Variants in ATP13A1 observed in about 807,000 individuals in gnomAD.
ATP13A1 encodes the protein endoplasmic reticulum transmembrane helix translocase.
In ATP13A1, 55 loss-of-function variants were observed where a neutral mutation model predicts 134.8. That is an observed-to-expected ratio of 0.41 (90% confidence interval 0.33 to 0.51). The LOEUF (loss-of-function observed/expected upper bound fraction) is 0.51, where lower values mean the gene tolerates loss of function less well. Ranked by LOEUF, ATP13A1 falls within the 20% of genes least tolerant of loss-of-function variation. The pLI is 0.29. For missense variants in ATP13A1, 1,389 were observed against 1,652.8 expected (o/e 0.84, Z 2.77); for synonymous variants, 775 against 725.1 (o/e 1.07, Z -1.10).
rs570397293 is a variant in ATP13A1 at position 19,646,281 on chromosome 19, C to T, written c.3172G>A (p.Val1058Ile). 8.1e-6 allele frequency: 13 copies of T among 1,613,926 alleles called. No homozygotes were observed. The highest frequency in any genetic ancestry group is 2.2e-5 in the East Asian group (1 of 44,876). ...NIFNLYTILT[V>I]MLQFFVHFLS... ...AAGTGCACAAAGAACTGGAGCATGA[C>T]GGTGAGGATGGTGTACAGGTTGAAG... The change falls in exon 23 of 26, where the codon GTC becomes ATC. Residue 1058 changes from valine (V) to isoleucine (I), a missense_variant. Physicochemically the swap from Val to Ile is conservative, Grantham distance 29. Transcript: ENST00000357324.
chr19:19,650,144 G>C (rs932142232), intron 17 of ATP13A1: 2 of 600,598 alleles, frequency 3.3e-6, no homozygotes, highest in African/African-American at 3.7e-5. Context: ...AGAGCCTGGG[G>C]CCTGAGCTAC....
chr19:19,657,163 G>T lies in ATP13A1; in HGVS notation c.751-14C>A. 6.7e-7 allele frequency: 1 copy of T among 1,500,462 alleles called. No individual in the cohort carries two copies. Among genetic ancestry groups the T allele is most frequent in the East Asian group, 2.4e-5 (1 of 42,442 alleles). The allele number at this position is 1,500,462 out of a possible 1,614,324, so 92.9% of individuals were successfully genotyped here. On this transcript the variant is annotated splice_polypyrimidine_tract_variant and intron_variant, in intron 4 of 25. Coordinates refer to ENST00000357324, the MANE Select transcript of ATP13A1 (RefSeq NM_020410.3). Reference sequence around the variant, plus strand: ...CACACAGAACACCTGTGGGATACCAGCCTGTCTGTCCTTGCCCTACCCGCC... The same window carrying T: ...CACACAGAACACCTGTGGGATACCATCCTGTCTGTCCTTGCCCTACCCGCC...
rs1199542926 is a variant in ATP13A1 at position 19,655,574 on chromosome 19, G to C, written c.1350C>G (p.Phe450Leu). The C allele has an allele frequency of 1.2e-6, 2 of 1,614,012 alleles. No individual in the cohort carries two copies. Among genetic ancestry groups the C allele is most frequent in the Non-Finnish European group, 8.5e-7 (1 of 1,179,886 alleles). ...NNLETFIFILFLLVFAIAAAA... is the reference protein window; with the variant it reads ...NNLETFIFILLLLVFAIAAAA... ...CTGCAGCGATGGCAAACACCAGGAGGAAGAGGATGAAGATGAAGGTCTCCA... is the reference window on the plus strand; with the variant it reads ...CTGCAGCGATGGCAAACACCAGGAGCAAGAGGATGAAGATGAAGGTCTCCA... The change falls in exon 10 of 26, where the codon TTC becomes TTG. Residue 450 changes from phenylalanine to leucine, a missense_variant. By Grantham distance (22) the Phe-to-Leu change is conservative. Transcript: ENST00000357324. The surrounding 1 kb of genome is among the most constrained non-coding windows in gnomAD (Gnocchi z 5.7).
At chr19:19,654,457 G>A in intron 13 of ATP13A1, 86 bp downstream of exon 13, 2 of 1,458,316 alleles carry the variant, frequency 1.4e-6, no homozygotes, top group South Asian at 2.7e-5. Context: ...CTGTCCCCAA[G>A]ATGCTCTGAG....
At chr19:19,660,389 G>A in intron 1 of ATP13A1, 1 of 195,402 alleles carries the variant, frequency 5.1e-6, no homozygotes, top group South Asian at 7.8e-5. Flanking sequence ...GGCTGAGGCA[G>A]GAGAATCCCT....
intron 23 of ATP13A1, 98 bp from the exon 24 acceptor site, chr19:19,646,083 T>C: frequency 6.3e-6 from 10 of 1,588,490 alleles, no homozygotes; most frequent in Non-Finnish European, 8.6e-6. Context: ...GGGCTCTGCC[T>C]GGCCTAGTGC....
chr19:19,660,049 C>A, intron 1 of ATP13A1, 62 bp from the exon 2 acceptor site: 4 of 1,479,220 alleles, frequency 2.7e-6, no homozygotes, highest in Non-Finnish European at 3.6e-6. Context: ...CCAAGACCCC[C>A]CCGGGAGGTT....
rs1174047286 is a variant in ATP13A1, at chr19:19,657,379, T to C, written c.707A>G (p.Glu236Gly). Residue 236 changes from glutamate to glycine, a missense_variant, in exon 4 of 26, where the codon GAG (glutamate) becomes GGG (glycine). This residue lies in a region of ATP13A1 where 747 missense variants were observed against 956.1 expected (regional missense o/e 0.78). Coordinates refer to ENST00000357324, the MANE Select transcript of ATP13A1 (RefSeq NM_020410.3). ...KAEMVVPDFSELFKERATAPF... is the reference protein window; with the variant it reads ...KAEMVVPDFSGLFKERATAPF... ...GGCTGTGGCTCTCTCCTTGAAAAGCTCCGAGAAGTCAGGCACCACCATCTC... is the reference window on the plus strand; with the variant it reads ...GGCTGTGGCTCTCTCCTTGAAAAGCCCCGAGAAGTCAGGCACCACCATCTC... The C allele has an allele frequency of 4.4e-6, 7 of 1,573,656 alleles. No individual in the cohort carries two copies. The highest frequency in any genetic ancestry group is 5.2e-6 in the Non-Finnish European group (6 of 1,159,156).
rs536177323 is a variant in ATP13A1 at position 19,663,650 on chromosome 19, G to A, written c.17C>T (p.Ala6Val). The A allele has an allele frequency of 9.3e-5, 120 of 1,287,822 alleles. No homozygotes were observed. The African/African-American group carries it at 1.7e-3, about 18-fold the overall frequency. The allele number at this position is 1,287,822 out of a possible 1,614,324, so 79.8% of individuals were successfully genotyped here. Reference sequence around the variant, plus strand: ...CCCGCAGGGCACCGCGTTGCCCACCGCCGCCGCTGCCGCCATCTTTCCTAG... The same window carrying A: ...CCCGCAGGGCACCGCGTTGCCCACCACCGCCGCTGCCGCCATCTTTCCTAG... MAAAA[A>V]VGNAVPCGAR... Residue 6 changes from alanine to valine, a missense_variant, in exon 1 of 26, where the codon GCG (alanine) becomes GTG (valine). Physicochemically the swap from Ala to Val is moderately conservative, Grantham distance 64. This residue lies in a region of ATP13A1 where 293 missense variants were observed against 270.8 expected (regional missense o/e 1.08). Transcript: ENST00000357324.
intron 16 of ATP13A1, 88 bp downstream of exon 16, chr19:19,652,507 G>A: frequency 6.7e-7 from 1 of 1,482,908 alleles, no homozygotes; most frequent in Non-Finnish European, 9.0e-7. Context: ...TGTGAGACTT[G>A]GGTGCCCACC....
At chr19:19,654,740 G>T in intron 12 of ATP13A1, 40 bp from the exon 13 acceptor site, 2 of 1,577,344 alleles carry the variant, frequency 1.3e-6, no homozygotes, top group Non-Finnish European at 1.7e-6. Flanking sequence ...AGTGCAGGCG[G>T]GTAGGGCGAA....
chr19:19,661,062 G>C (rs1320691703), intron 1 of ATP13A1, among the ~76,000 whole-genome samples: 2 of 151,712 alleles, frequency 1.3e-5, no homozygotes, highest in African/African-American at 4.8e-5. Context: ...CTGGGCAACA[G>C]AGCCAGACTC....
At position 19,655,574 on chromosome 19, in the gene ATP13A1, G is replaced by A. The variant is rs1199542926; in HGVS notation, c.1350C>T (p.Phe450=). 2.9e-5 allele frequency: 46 copies of A among 1,614,012 alleles called. No homozygotes were observed. Among genetic ancestry groups the A allele is most frequent in the Non-Finnish European group, 3.8e-5 (45 of 1,179,886 alleles). ...CTGCAGCGATGGCAAACACCAGGAG[G>A]AAGAGGATGAAGATGAAGGTCTCCA... ...NNLETFIFIL[F]LLVFAIAAAA... Residue 450 remains phenylalanine (F), a synonymous_variant, in exon 10 of 26, where the codon TTC becomes TTT. Coordinates refer to ENST00000357324, the MANE Select transcript of ATP13A1 (RefSeq NM_020410.3). This position sits in a 1 kb window ranked among gnomAD's most constrained non-coding sequence, Gnocchi z 5.7.
rs762373139 is a variant in ATP13A1, at chr19:19,646,250, C to T, written c.3203G>A (p.Ser1068Asn). ...GGCCTCACGGTACAGGTAGACAAGG[C>T]TCAGGAAGTGCACAAAGAACTGGAG... Reference protein sequence around the residue: ...VMLQFFVHFLSLVYLYREAQA... With the variant: ...VMLQFFVHFLNLVYLYREAQA... The change falls in exon 23 of 26, where the codon AGC (serine) becomes AAC (asparagine). Residue 1068 changes from serine (S) to asparagine (N), a missense_variant. Physicochemically the swap from Ser to Asn is conservative, Grantham distance 46. Around this residue, in one of 4 missense-constraint regions of ATP13A1, gnomAD observed 228 missense variants for 321.0 expected, o/e 0.71. Transcript: ENST00000357324. 2 of 1,613,974 alleles carry T rather than the reference C, an allele frequency of 1.2e-6. No individual in the cohort carries two copies. The highest frequency in any genetic ancestry group is 1.7e-6 in the Non-Finnish European group (2 of 1,179,886).
At position 19,663,196 on chromosome 19, in the gene ATP13A1, G is replaced by T. The variant is rs993361235; in HGVS notation, c.396+75C>A. ...AGTGGCCCAGGTCGCGATGGTGACC[G>T]ACAGGAAGGCCGCAGCTGGGACCCA... On this transcript the variant is annotated intron_variant, in intron 1 of 25. Coordinates refer to ENST00000357324, the MANE Select transcript of ATP13A1 (RefSeq NM_020410.3). 18 of 1,546,468 alleles carry T rather than the reference G, an allele frequency of 1.2e-5. No individual in the cohort carries two copies. The African/African-American group carries it at 2.3e-4, about 20-fold the overall frequency.
At chr19:19,652,756 C>T (rs1233209003) in intron 15 of ATP13A1, 36 bp from the exon 16 acceptor site, 2 of 1,577,524 alleles carry the variant, frequency 1.3e-6, no homozygotes, top group Non-Finnish European at 1.7e-6. Flanking sequence ...CCATCTGTCC[C>T]TCCCTCTGCC....
intron 1 of ATP13A1, chr19:19,662,948 A>T: frequency 2.1e-6 from 1 of 471,868 alleles, no homozygotes; most frequent in South Asian, 2.1e-5. Flanking sequence ...TAATATGGGA[A>T]CTAGTATAAA....
intron 1 of ATP13A1, among the ~76,000 whole-genome samples, chr19:19,662,916 T>C (rs546154264): frequency 6.4e-4 from 97 of 152,238 alleles, no homozygotes; most frequent in Middle Eastern, 3.4e-3. Flanking sequence ...GGTAGGGCCG[T>C]TTCCAGAACA....
At position 19,649,666 on chromosome 19, in the gene ATP13A1, G is replaced by A. The variant is rs369267762; in HGVS notation, c.2536-3C>T. On this transcript the variant is annotated splice_region_variant and splice_polypyrimidine_tract_variant and intron_variant, in intron 18 of 25. Coordinates refer to ENST00000357324, the MANE Select transcript of ATP13A1 (RefSeq NM_020410.3). ...TTCAGGCTGGTGATGACAAACTCCTGTATGGGCGGAGACAGGCTGAGCAGG... is the reference window on the plus strand; with the variant it reads ...TTCAGGCTGGTGATGACAAACTCCTATATGGGCGGAGACAGGCTGAGCAGG... 3.0e-5 allele frequency: 48 copies of A among 1,613,792 alleles called. No homozygotes were observed. The African/African-American group carries it at 4.7e-4, about 16-fold the overall frequency.
Sources: gnomAD v4.1 joint callset for allele counts (sites outside exome capture counted in the v4.1 genomes callset) on GRCh38, gnomAD v4.1.1 for gene constraint, gnomAD v4.1.1 regional missense constraint, Gnocchi (gnomAD v3.1) non-coding constraint, MANE v1.5 for transcripts, NCBI Gene and HGNC (gene_info 2026-07-23, HGNC 2026-07-21) for gene names.